ANGPT2: variants seen among roughly 807,000 people sequenced by gnomAD.
ANGPT2 encodes angiopoietin 2, also known as angiopoietin-2.
A neutral mutation model predicts 62.9 loss-of-function variants in ANGPT2; 28 were observed. The ratio of observed to expected loss-of-function variants is 0.44; its 90% confidence interval spans 0.33 to 0.61. The LOEUF (loss-of-function observed/expected upper bound fraction) is 0.61, where lower values mean the gene tolerates loss of function less well. ANGPT2 is among the 20% of genes least tolerant of loss of function. ANGPT2 has a pLI of 0.03. For missense variants in ANGPT2, 727 were observed against 594.9 expected (o/e 1.22, Z -2.31); for synonymous variants, 284 against 207.8 (o/e 1.37, Z -3.15).
At chr8:6,507,182 G>A (rs1006349658) in intron 8 of ANGPT2, among the ~76,000 whole-genome samples, 7 of 152,200 alleles carry the variant, frequency 4.6e-5, no homozygotes, top group Admixed American at 1.3e-4. Flanking sequence ...ACAAGCGGGG[G>A]CCACCATGCC....
chr8:6,518,495 GT>G lies in ANGPT2; in HGVS notation c.927+1368del, dbSNP rs560525968. ...AACACAGCATTAATGAATTAGAAAG[GT>G]TTCTTTGGAAAGCATTATGTTGAAT... On this transcript the variant is annotated intron_variant, in intron 5 of 8. Transcript: ENST00000629816. 2.3e-3 allele frequency among the ~76,000 whole-genome samples: 353 copies of G among 152,214 alleles called. 3 individuals are homozygous for G. Among genetic ancestry groups the G allele is most frequent in the African/African-American group, 8.2e-3 (340 of 41,534 alleles).
chr8:6,515,658 A>C (rs889580800), intron 5 of ANGPT2, among the ~76,000 whole-genome samples: 3 of 152,246 alleles, frequency 2.0e-5, no homozygotes, highest in African/African-American at 7.2e-5. Context: ...TAAATAATAA[A>C]GATTACAGTA....
rs1491108967 is a variant in ANGPT2 at position 6,505,311 on chromosome 8, CAT to C, written c.1328-2052_1328-2051del. On this transcript the variant is annotated intron_variant, in intron 8 of 8. Transcript: ENST00000629816. ...GTTATATACATATATATGTATATAA[CAT>C]ATATATGTTATATACATATAGAAAG... 9.2e-4 allele frequency among the ~76,000 whole-genome samples: 36 copies of C among 39,218 alleles called. 2 individuals are homozygous for C. The highest frequency in any genetic ancestry group is 4.9e-3 in the African/African-American group (33 of 6,782). The allele number at this position is 39,218 out of a possible 152,430, so 25.7% of individuals were successfully genotyped here.
chr8:6,526,473 T>C (rs970053932), intron 3 of ANGPT2, among the ~76,000 whole-genome samples: 2 of 151,670 alleles, frequency 1.3e-5, no homozygotes, highest in African/African-American at 4.8e-5. Flanking sequence ...ATTAGCAGGA[T>C]TGTTATATCT....
intron 1 of ANGPT2, among the ~76,000 whole-genome samples, chr8:6,538,448 C>T (rs1820905909): frequency 6.6e-6 from 1 of 152,204 alleles, no homozygotes; most frequent in Non-Finnish European, 1.5e-5. Flanking sequence ...TCTTCCCTTG[C>T]AGGTTTGCCT....
chr8:6,541,313 G>C (rs779531885), intron 1 of ANGPT2, among the ~76,000 whole-genome samples: 1 of 152,204 alleles, frequency 6.6e-6, no homozygotes, highest in African/African-American at 2.4e-5. Flanking sequence ...ATGGGCCCCA[G>C]GCTGTGGGCA....
At chr8:6,555,706 A>T (rs1180356663) in intron 1 of ANGPT2, among the ~76,000 whole-genome samples, 2 of 151,716 alleles carry the variant, frequency 1.3e-5, no homozygotes, top group African/African-American at 4.8e-5. Context: ...CAAGCGACCC[A>T]CCCGCTTCGG....
At chr8:6,535,616 C>T (rs1422318219) in intron 1 of ANGPT2, among the ~76,000 whole-genome samples, 1 of 152,016 alleles carries the variant, frequency 6.6e-6, no homozygotes. Context: ...TAAATATATA[C>T]AGCTCTTGAA....
chr8:6,511,552 G>GAA (rs201475579), intron 7 of ANGPT2, among the ~76,000 whole-genome samples: 1 of 151,024 alleles, frequency 6.6e-6, no homozygotes, highest in African/African-American at 2.4e-5. Flanking sequence ...TTTCTTCTGG[G>GAA]AAAAAAAAAT....
intron 1 of ANGPT2, among the ~76,000 whole-genome samples, chr8:6,538,171 T>C (rs1250520456): frequency 6.6e-6 from 1 of 152,060 alleles, no homozygotes; most frequent in Admixed American, 6.6e-5. Context: ...TAGTAAACCC[T>C]TGAATTTTTC....
intron 8 of ANGPT2, among the ~76,000 whole-genome samples, chr8:6,505,912 A>T (rs1326143171): frequency 2.1e-5 from 2 of 93,556 alleles, no homozygotes; most frequent in Non-Finnish European, 4.0e-5. Context: ...CATATTCTTT[A>T]TATATGTATA....
chr8:6,541,667 C>T (rs962155653), intron 1 of ANGPT2, among the ~76,000 whole-genome samples: 3 of 152,132 alleles, frequency 2.0e-5, no homozygotes, highest in Non-Finnish European at 4.4e-5. Flanking sequence ...GTTTTCCCTA[C>T]AGAGATAGAA....
chr8:6,519,077 T>C (rs1816825403), intron 5 of ANGPT2, among the ~76,000 whole-genome samples: 1 of 152,182 alleles, frequency 6.6e-6, no homozygotes, highest in African/African-American at 2.4e-5. Flanking sequence ...TAATTGGACA[T>C]ATGCCTTGAA....
chr8:6,539,158 C>G (rs148814584), intron 1 of ANGPT2, among the ~76,000 whole-genome samples: 2 of 152,320 alleles, frequency 1.3e-5, no homozygotes, highest in Non-Finnish European at 2.9e-5. Context: ...TTGGGCAGCA[C>G]TTTGTCCTCC....
chr8:6,525,005 A>G (rs1818061620), intron 3 of ANGPT2, among the ~76,000 whole-genome samples: 3 of 152,240 alleles, frequency 2.0e-5, no homozygotes, highest in South Asian at 2.1e-4. Flanking sequence ...TATCTAAATA[A>G]AGCTCTATGT....
chr8:6,521,344 T>G lies in ANGPT2; in HGVS notation c.633A>C (p.Glu211Asp), dbSNP rs763582238. ...CTAACACCTGTAGCTGATCTTTCTC[T>G]TCTTTTATTGACTGTAGTTGGATGA... ...KHIIQLQSIK[E>D]EKDQLQVLVS... The change falls in exon 4 of 9, where the codon GAA becomes GAC. Residue 211 changes from glutamate (E) to aspartate (D), a missense_variant. Physicochemically the swap from Glu to Asp is conservative, Grantham distance 45. Coordinates refer to ENST00000629816, the MANE Select transcript of ANGPT2 (RefSeq NM_001118887.2). The G allele has an allele frequency of 6.2e-7, 1 of 1,613,848 alleles. No individual in the cohort carries two copies. Among genetic ancestry groups the G allele is most frequent in the Non-Finnish European group, 8.5e-7 (1 of 1,179,948 alleles).
chr8:6,510,551 C>G (rs934255742), intron 7 of ANGPT2, among the ~76,000 whole-genome samples: 1 of 152,212 alleles, frequency 6.6e-6, no homozygotes, highest in African/African-American at 2.4e-5. Flanking sequence ...CCTGCATGCA[C>G]ACTGGATGCT....
At chr8:6,521,432 A>G (rs1251725217) in intron 3 of ANGPT2, 22 bp from the exon 4 acceptor site, 4 of 1,504,780 alleles carry the variant, frequency 2.7e-6, no homozygotes, top group South Asian at 1.2e-5. Flanking sequence ...AAGAATTGTT[A>G]GTTAGTGAAG....
intron 8 of ANGPT2, among the ~76,000 whole-genome samples, chr8:6,504,100 C>T (rs1205455672): frequency 1.3e-5 from 2 of 152,116 alleles, no homozygotes; most frequent in Admixed American, 6.5e-5. Context: ...GGGTGGATCA[C>T]GAGATCAGGA....
Sources: gnomAD v4.1 joint callset for allele counts (sites outside exome capture counted in the v4.1 genomes callset) on GRCh38, gnomAD v4.1.1 for gene constraint, MANE v1.5 for transcripts, NCBI Gene and HGNC (gene_info 2026-07-23, HGNC 2026-07-21) for gene names.